The following FBLN7 variants were observed in gnomAD, a reference collection of about 807,000 sequenced individuals.
FBLN7 encodes the protein fibulin-7.
FBLN7 carries 31 observed loss-of-function variants against 44.0 expected under a neutral mutation model. The observed-to-expected ratio is 0.70, with a 90% CI of 0.53 to 0.95. The LOEUF is 0.95. Among genes scored for constraint, FBLN7 ranks in the 40% least tolerant of loss-of-function variants. The pLI, the probability that FBLN7 is intolerant of heterozygous loss-of-function variation, is 0.00. For missense variants in FBLN7, 573 were observed against 618.5 expected, an observed-to-expected ratio of 0.93 and a Z score of 0.78; for synonymous variants, 262 against 253.4, an observed-to-expected ratio of 1.03 and a Z score of -0.32.
At chr2:112,159,980 T>G in intron 2 of FBLN7, 145 bp downstream of exon 2, 1 of 557,900 alleles carries the variant, frequency 1.8e-6, no homozygotes, top group Non-Finnish European at 2.6e-6. Context: ...CCTTTTTTAT[T>G]TATTATTTAT....
chr2:112,224,861 T>C, the FBLN7 span, among the ~76,000 whole-genome samples: 3 of 152,216 alleles, frequency 2.0e-5, no homozygotes, highest in African/African-American at 7.2e-5. Flanking sequence ...GGGAACATTC[T>C]GGGGTGATGG....
At chr2:112,142,720 C>T (rs35440953) in intron 1 of FBLN7, among the ~76,000 whole-genome samples, 43,982 of 151,908 alleles carry the variant, frequency 0.29, 8,750 homozygotes, top group East Asian at 0.68. Context: ...GCTTGCTTTG[C>T]GTTTTAGGAG....
In FBLN7 at chr2:112,161,858, C is replaced by T. The variant is rs1047278665; in HGVS notation, c.235+2023C>T. On this transcript the variant is annotated intron_variant, in intron 2 of 7. Transcript: ENST00000331203. ...GTATTTCTAAGTGTGTGGGGGACCC[C>T]GTGCTGGGTACTTTATGCGTGCAGA... Among the ~76,000 whole-genome samples the T allele has an allele frequency of 4.6e-5, 7 of 152,190 alleles. No homozygotes were observed. The East Asian group carries it at 7.7e-4, about 17-fold the overall frequency.
the FBLN7 span, chr2:112,238,459 A>G: frequency 4.3e-6 from 7 of 1,613,374 alleles, no homozygotes; most frequent in Non-Finnish European, 5.9e-6. Flanking sequence ...TTATCACTAT[A>G]TACATCATAG....
chr2:112,227,747 G>A, the FBLN7 span, among the ~76,000 whole-genome samples: 2 of 152,028 alleles, frequency 1.3e-5, no homozygotes, highest in Admixed American at 1.3e-4. Flanking sequence ...GAATATGTAC[G>A]AATAAATTAA....
At chr2:112,160,813 C>A (rs1432895825) in intron 2 of FBLN7, among the ~76,000 whole-genome samples, 1 of 147,338 alleles carries the variant, frequency 6.8e-6, no homozygotes, top group Non-Finnish European at 1.5e-5. Context: ...CGCACACACA[C>A]GCACACACAA....
the FBLN7 span, among the ~76,000 whole-genome samples, chr2:112,210,451 T>C: frequency 6.6e-6 from 1 of 150,922 alleles, no homozygotes; most frequent in African/African-American, 2.4e-5. Context: ...AGCTCAGGAG[T>C]TCGAGACCAG....
chr2:112,168,115 C>T (rs927796368), intron 3 of FBLN7, among the ~76,000 whole-genome samples: 6 of 152,158 alleles, frequency 3.9e-5, no homozygotes, highest in African/African-American at 1.4e-4. Flanking sequence ...CGTGGTCCAA[C>T]GTGGTATCCT....
chr2:112,159,155 A>G (rs1308107091), intron 1 of FBLN7, among the ~76,000 whole-genome samples: 1 of 150,590 alleles, frequency 6.6e-6, no homozygotes, highest in African/African-American at 2.4e-5. Flanking sequence ...AGAACTGAAC[A>G]TTGACTTTTA....
rs1029807515 is a variant in FBLN7 at position 112,161,925 on chromosome 2, A to C, written c.235+2090A>C. On this transcript the variant is annotated intron_variant, in intron 2 of 7. Transcript: ENST00000331203. ...GCCCTGCAGAGGACAGGCAGCTGTC[A>C]GGATCCCTTTTCAGGGTGTGGTGGG... Among the ~76,000 whole-genome samples the C allele has an allele frequency of 2.0e-4, 30 of 152,248 alleles. 1 individual carries two copies. Among genetic ancestry groups the C allele is most frequent in the Admixed American group, 2.0e-3 (30 of 15,286 alleles).
intron 1 of FBLN7, among the ~76,000 whole-genome samples, chr2:112,143,544 T>C (rs1573758192): frequency 6.6e-6 from 1 of 152,292 alleles, no homozygotes; most frequent in East Asian, 1.9e-4. Flanking sequence ...ATGTTGTTCA[T>C]GTATAATTTC....
At chr2:112,191,080 C>A (rs114717088), downstream of FBLN7, among the ~76,000 whole-genome samples, 2 of 152,044 alleles carry the variant, frequency 1.3e-5, no homozygotes, top group Non-Finnish European at 2.9e-5. Context: ...TGGGCTCAAG[C>A]GATCCTTCCA....
Position 112,185,286 on chromosome 2 carries a change from C to T in FBLN7, c.894C>T (p.Ser298=). The T allele has an allele frequency of 1.9e-6, 3 of 1,613,924 alleles. No individual in the cohort carries two copies. Among genetic ancestry groups the T allele is most frequent in the African/African-American group, 2.7e-5 (2 of 75,018 alleles). The change falls in exon 7 of 8, where the codon AGC becomes AGT. Residue 298 remains serine (S), a synonymous_variant. Coordinates refer to ENST00000331203, the MANE Select transcript of FBLN7 (RefSeq NM_153214.3). ...INTGGSFQCV[S]PECPEGSGNV... is the part of the protein sequence containing the mutation. ...CCGGTGGAAGCTTCCAGTGTGTCAGCCCTGAGTGCCCCGAGGGCAGCGGCA... is the reference window on the plus strand; with the variant it reads ...CCGGTGGAAGCTTCCAGTGTGTCAGTCCTGAGTGCCCCGAGGGCAGCGGCA...
chr2:112,187,241 T>A lies in FBLN7; in HGVS notation c.1055T>A (p.Ile352Asn). The change falls in exon 8 of 8, where the codon ATC becomes AAC. Residue 352 changes from isoleucine to asparagine, a missense_variant. By Grantham distance (149) the Ile-to-Asn change is moderately radical (BLOSUM62 -3). Transcript: ENST00000331203. This position sits in a 1 kb window ranked among gnomAD's most constrained non-coding sequence, Gnocchi z 5.1. The stretch of plus-strand genomic sequence containing the variant: ...CTGCCTTCCAACCTGAAGACGCCCA[T>A]CACGCTCTTCCGCATGGCCACAGCC... Reference protein sequence around the residue: ...LSLPSNLKTPITLFRMATASA... With the variant: ...LSLPSNLKTPNTLFRMATASA... The A allele has an allele frequency of 6.2e-7, 1 of 1,613,936 alleles. No homozygotes were observed.
At chr2:112,196,374 CTTTT>C in the FBLN7 span, among the ~76,000 whole-genome samples, 97 of 63,280 alleles carry the variant, frequency 1.5e-3, no homozygotes, top group African/African-American at 5.5e-3. Flanking sequence ...TCTTCTTCTT[CTTTT>C]TTTTTTTTTT....
At chr2:112,158,581 A>G (rs920008721) in intron 1 of FBLN7, among the ~76,000 whole-genome samples, 1 of 151,924 alleles carries the variant, frequency 6.6e-6, no homozygotes. Flanking sequence ...GATTACAGGC[A>G]CCTGCCACCA....
chr2:112,216,697 A>C, the FBLN7 span, among the ~76,000 whole-genome samples: 18 of 151,618 alleles, frequency 1.2e-4, no homozygotes, highest in African/African-American at 4.4e-4. Context: ...AAAAAAAAAA[A>C]TACAAATAAT....
the FBLN7 span, among the ~76,000 whole-genome samples, chr2:112,225,121 G>C: frequency 6.6e-6 from 1 of 152,044 alleles, no homozygotes; most frequent in Non-Finnish European, 1.5e-5. Flanking sequence ...TTTGTGTATT[G>C]ATCTTGTTTC....
intron 4 of FBLN7, among the ~76,000 whole-genome samples, chr2:112,181,039 C>T (rs1261758291): frequency 2.0e-5 from 3 of 150,708 alleles, no homozygotes; most frequent in African/African-American, 7.3e-5. Flanking sequence ...TTTGTGGAAA[C>T]ATGGATGGAG....
Sources: gnomAD v4.1 joint callset for allele counts (sites outside exome capture counted in the v4.1 genomes callset) on GRCh38, gnomAD v4.1.1 for gene constraint, Gnocchi (gnomAD v3.1) non-coding constraint, MANE v1.5 for transcripts, NCBI Gene and HGNC (gene_info 2026-07-23, HGNC 2026-07-21) for gene names.